The following STOX2 variants were observed in gnomAD, a reference collection of about 807,000 sequenced individuals.
The protein encoded by STOX2 is storkhead-box protein 2.
Under a neutral mutation model 60.9 loss-of-function variants are expected in STOX2, and 28 were observed. The ratio of observed to expected loss-of-function variants is 0.46; its 90% CI spans 0.34 to 0.63. STOX2 has a LOEUF of 0.63. Ranked by LOEUF, STOX2 falls within the 30% of genes least tolerant of loss-of-function variation. The probability of loss-of-function intolerance (pLI) is 0.01; values close to 1 mark genes in which losing one functional copy is unlikely to be tolerated. For missense variants in STOX2, 1,024 were observed against 1,187.7 expected (o/e 0.86, Z 2.03); for synonymous variants, 472 against 463.9 (o/e 1.02, Z -0.22).
chr4:183,798,179 C>A, intron 1 of STOX2: 2 of 972,014 alleles, frequency 2.1e-6, no homozygotes, highest in Non-Finnish European at 2.6e-6. Flanking sequence ...CCCTGGGTGC[C>A]CGCGTCCCTG....
intron 1 of STOX2, among the ~76,000 whole-genome samples, chr4:183,964,727 T>A: frequency 6.6e-6 from 1 of 152,106 alleles, no homozygotes; most frequent in Non-Finnish European, 1.5e-5. Flanking sequence ...GGATTACAGG[T>A]GCATGCCACC....
chr4:183,918,956 T>C (rs1198016291), intron 1 of STOX2, among the ~76,000 whole-genome samples: 1 of 152,220 alleles, frequency 6.6e-6, no homozygotes, highest in Non-Finnish European at 1.5e-5. Context: ...CCCCCGAGTT[T>C]CCATGTTACT....
chr4:183,931,605 G>T (rs944715893), intron 1 of STOX2, among the ~76,000 whole-genome samples: 3 of 152,178 alleles, frequency 2.0e-5, no homozygotes, highest in African/African-American at 7.2e-5. Flanking sequence ...GTGAAAGAAA[G>T]GGACTGAAAG....
intron 1 of STOX2, among the ~76,000 whole-genome samples, chr4:183,955,286 G>C (rs549826529): frequency 6.6e-6 from 1 of 152,316 alleles, no homozygotes; most frequent in East Asian, 1.9e-4. Flanking sequence ...GAAGGGCCAA[G>C]TATTGTGCTA....
At chr4:183,946,159 T>G (rs139081167) in intron 1 of STOX2, among the ~76,000 whole-genome samples, 1 of 152,326 alleles carries the variant, frequency 6.6e-6, no homozygotes, top group Non-Finnish European at 1.5e-5. Flanking sequence ...AGATGACCTC[T>G]CAGTGTTTAA....
rs1738692561 is a variant in STOX2, at chr4:183,798,780, G to C, written c.364+725G>C. The C allele has an allele frequency of 2.1e-5, 21 of 985,404 alleles. No homozygotes were observed. In the South Asian group the frequency reaches 7.0e-4, roughly 33 times the overall value. The allele number at this position is 985,404 out of a possible 1,614,324, so 61.0% of individuals were successfully genotyped here. A position where few individuals can be genotyped will look rare whatever the true frequency, so the allele number is the denominator to read the frequency against. Reference sequence around the variant, plus strand: ...TCGCCCAGAGGTGAAGGTCGCCGCCGCGTTTCCAGTGCTGCTTTGACTTGC... The same window carrying C: ...TCGCCCAGAGGTGAAGGTCGCCGCCCCGTTTCCAGTGCTGCTTTGACTTGC... On this transcript the variant is annotated intron_variant, in intron 1 of 2. Coordinates refer to the STOX2 transcript ENST00000513034.
Position 183,892,535 on chromosome 4 carries a change from T to C in STOX2, c.364+94480T>C, listed in dbSNP as rs190663145. 8.1e-3 allele frequency among the ~76,000 whole-genome samples: 1,228 copies of C among 152,112 alleles called. 17 individuals carry two copies. Among genetic ancestry groups the C allele is most frequent in the African/African-American group, 0.028 (1,145 of 41,452 alleles). ...GACCTTGTCATCCGCCCGCCTCGGC[T>C]TCCCAAAGTGCTGGGATTACAGGCG... is the stretch of plus-strand genomic sequence containing the variant. On this transcript the variant is annotated intron_variant, in intron 1 of 2. Coordinates refer to the STOX2 transcript ENST00000513034.
At chr4:183,807,037 A>T (rs1304209119) in intron 1 of STOX2, among the ~76,000 whole-genome samples, 7 of 151,662 alleles carry the variant, frequency 4.6e-5, no homozygotes, top group Non-Finnish European at 8.8e-5. Flanking sequence ...CAGTGGCGCG[A>T]TCTCGGCTCA....
At chr4:183,807,692 A>G (rs539800712) in intron 1 of STOX2, among the ~76,000 whole-genome samples, 30 of 152,266 alleles carry the variant, frequency 2.0e-4, no homozygotes, top group African/African-American at 6.7e-4. Context: ...GAGCTGGAAG[A>G]GGCTGAGCTG....
chr4:183,863,878 T>G (rs980542604), intron 1 of STOX2, among the ~76,000 whole-genome samples: 1 of 152,236 alleles, frequency 6.6e-6, no homozygotes, highest in African/African-American at 2.4e-5. Context: ...ATGTTTTTGA[T>G]AGGTGTTCAC....
intron 1 of STOX2, among the ~76,000 whole-genome samples, chr4:183,909,266 A>G (rs571294080): frequency 3.9e-5 from 6 of 152,344 alleles, no homozygotes; most frequent in African/African-American, 1.4e-4. Flanking sequence ...AATGATTTAT[A>G]AGACATTCTC....
intron 1 of STOX2, among the ~76,000 whole-genome samples, chr4:183,891,555 C>T (rs969064607): frequency 9.9e-5 from 15 of 150,848 alleles, no homozygotes; most frequent in Admixed American, 4.0e-4. Context: ...GGAGCTAAGC[C>T]AGGAGGATGT....
intron 1 of STOX2, among the ~76,000 whole-genome samples, chr4:183,824,945 GACT>G (rs1739387718): frequency 6.6e-6 from 1 of 152,208 alleles, no homozygotes; most frequent in South Asian, 2.1e-4. Flanking sequence ...CCTTGCCCTG[GACT>G]ACTAAGTGTG....
rs557872586 is a variant in STOX2 at position 183,858,439 on chromosome 4, T to C, written c.364+60384T>C. Among the ~76,000 whole-genome samples, 750 of 152,344 alleles carry C rather than the reference T, an allele frequency of 4.9e-3. 8 individuals carry two copies. The highest frequency in any genetic ancestry group is 0.016 in the African/African-American group (656 of 41,576). On this transcript the variant is annotated intron_variant, in intron 1 of 2. Coordinates refer to the STOX2 transcript ENST00000513034. Reference sequence around the variant, plus strand: ...GCTCAGCTCTGCTTCCGACTTTCCATTCCTGTTGCCTCTGCCCACGGCCGG... The same window carrying C: ...GCTCAGCTCTGCTTCCGACTTTCCACTCCTGTTGCCTCTGCCCACGGCCGG...
chr4:183,845,293 T>G (rs774090369), intron 1 of STOX2, among the ~76,000 whole-genome samples: 2 of 152,194 alleles, frequency 1.3e-5, no homozygotes, highest in South Asian at 2.1e-4. Flanking sequence ...CAGGGGAAGA[T>G]CATTCCATCC....
intron 1 of STOX2, among the ~76,000 whole-genome samples, chr4:183,951,545 G>A (rs2111146957): frequency 6.7e-6 from 1 of 148,228 alleles, no homozygotes; most frequent in South Asian, 2.2e-4. Context: ...CCACCTCCCG[G>A]GTACAAGCGA....
chr4:183,860,020 C>A (rs547236274), intron 1 of STOX2, among the ~76,000 whole-genome samples: 1 of 152,132 alleles, frequency 6.6e-6, no homozygotes, highest in South Asian at 2.1e-4. Context: ...AGTCAAAAAG[C>A]CTCTTTGCTG....
intron 1 of STOX2, among the ~76,000 whole-genome samples, chr4:183,811,918 G>C (rs1739042004): frequency 6.8e-6 from 1 of 147,338 alleles, no homozygotes; most frequent in African/African-American, 2.6e-5. Context: ...GACCTAGTGA[G>C]AAAGCCTGGA....
At chr4:183,837,485 GTCTC>G (rs1242094679) in intron 1 of STOX2, among the ~76,000 whole-genome samples, 14 of 151,168 alleles carry the variant, frequency 9.3e-5, no homozygotes, top group Admixed American at 9.2e-4. Context: ...TTGAGATAGA[GTCTC>G]TCTCTGTCAC....
Sources: gnomAD v4.1 joint callset for allele counts (sites outside exome capture counted in the v4.1 genomes callset) on GRCh38, gnomAD v4.1.1 for gene constraint, MANE v1.5 for transcripts, NCBI Gene and HGNC (gene_info 2026-07-23, HGNC 2026-07-21) for gene names.